CHD1L: variants seen among roughly 807,000 people sequenced by gnomAD.
CHD1L encodes chromodomain helicase DNA binding protein 1 like.
A neutral mutation model predicts 115.9 loss-of-function variants in CHD1L; 118 were observed. The observed-to-expected ratio is 1.02, with a 90% CI of 0.88 to 1.19. The LOEUF is 1.19. Among genes scored for constraint, CHD1L ranks in the 50% most tolerant of loss-of-function variants. CHD1L has a pLI of 0.00. For synonymous variants in CHD1L, 411 were observed against 387.1 expected, an observed-to-expected ratio of 1.06 and a Z score of -0.72; for missense variants, 1,179 against 1,065.3, an observed-to-expected ratio of 1.11 and a Z score of -1.49.
chr1:147,253,780 G>A (rs1379026270), intron 2 of CHD1L, among the ~76,000 whole-genome samples: 1 of 152,258 alleles, frequency 6.6e-6, no homozygotes, highest in Non-Finnish European at 1.5e-5. Flanking sequence ...TTACAGGCGT[G>A]AGCCACTGCA....
chr1:147,179,125 A>C, the CHD1L span: 13 of 1,614,124 alleles, frequency 8.1e-6, no homozygotes, highest in Middle Eastern at 1.6e-4. Context: ...GAAGTTTGTC[A>C]TGCAGGAGGA....
rs143730345 is a variant in CHD1L, at chr1:147,290,738, C to T, written c.2321-744C>T. 4.1e-3 allele frequency among the ~76,000 whole-genome samples: 626 copies of T among 152,240 alleles called. 4 individuals carry two copies. The highest frequency in any genetic ancestry group is 0.014 in the African/African-American group (599 of 41,536). Reference sequence around the variant, plus strand: ...GCGTGATCATAGCTCACCACAGCCTCGAACTCCTTTGCTCAAGAGATCCTC... The same window carrying T: ...GCGTGATCATAGCTCACCACAGCCTTGAACTCCTTTGCTCAAGAGATCCTC... On this transcript the variant is annotated intron_variant, in intron 19 of 22. Coordinates refer to ENST00000369258, the MANE Select transcript of CHD1L (RefSeq NM_004284.6).
the CHD1L span, among the ~76,000 whole-genome samples, chr1:147,192,606 G>A: frequency 6.6e-6 from 1 of 151,872 alleles, no homozygotes; most frequent in African/African-American, 2.4e-5. Context: ...CAAAGGGAAT[G>A]CTTCCAGTTT....
the CHD1L span, chr1:147,214,747 ACTCT>A: frequency 2.6e-5 from 4 of 151,724 alleles, no homozygotes; most frequent in East Asian, 1.9e-4. Flanking sequence ...TCCCCATGTA[ACTCT>A]CTATTTTTAT....
chr1:147,287,639 C>T lies in CHD1L; in HGVS notation c.2226C>T (p.Asp742=), dbSNP rs1683724480. The change falls in exon 19 of 23, where the codon GAC becomes GAT. Residue 742 remains aspartate, a synonymous_variant. Coordinates refer to ENST00000369258, the MANE Select transcript of CHD1L (RefSeq NM_004284.6). ...EDALIVHCVD[D]SGHWGRGGLF... ...ATTTTCTCTTTCTTCAAACAGATGA[C>T]TCTGGCCACTGGGGCAGAGGTGGTT... is the stretch of plus-strand genomic sequence containing the variant. 6.2e-7 allele frequency: 1 copy of T among 1,613,288 alleles called. No individual in the cohort carries two copies. The highest frequency in any genetic ancestry group is 1.7e-5 in the Admixed American group (1 of 59,964).
chr1:147,266,589 C>T (rs1447088794), intron 8 of CHD1L, among the ~76,000 whole-genome samples: 2 of 152,212 alleles, frequency 1.3e-5, no homozygotes, highest in Admixed American at 6.5e-5. Context: ...ACGCCGTCAG[C>T]GTTAGTAGCC....
chr1:147,276,026 A>T, intron 13 of CHD1L, 78 bp from the exon 14 acceptor site: 1 of 1,402,256 alleles, frequency 7.1e-7, no homozygotes, highest in Non-Finnish European at 9.9e-7. Flanking sequence ...GTTTGCTTTT[A>T]GATGTATTTA....
the CHD1L span, chr1:147,208,977 C>G: frequency 6.2e-7 from 1 of 1,613,912 alleles, no homozygotes; most frequent in Non-Finnish European, 8.5e-7. Flanking sequence ...GAGAAGAGAA[C>G]AACACATCAG....
intron 9 of CHD1L, among the ~76,000 whole-genome samples, 161 bp downstream of exon 9, chr1:147,267,679 T>A (rs1007378759): frequency 5.9e-5 from 9 of 152,246 alleles, no homozygotes; most frequent in Non-Finnish European, 8.8e-5. Context: ...TGTTCAGATA[T>A]CTTCAGTTGT....
chr1:147,231,883 T>C, the CHD1L span, among the ~76,000 whole-genome samples: 2 of 152,172 alleles, frequency 1.3e-5, no homozygotes, highest in African/African-American at 4.8e-5. Context: ...GCTTCCCGGG[T>C]GAGGCGATGC....
At chr1:147,272,138 TTAAGA>T (rs1559816102) in intron 11 of CHD1L, 28 bp from the exon 12 acceptor site, 5 of 1,571,246 alleles carry the variant, frequency 3.2e-6, no homozygotes, top group Non-Finnish European at 3.5e-6. Context: ...TTGAAAAGGG[TTAAGA>T]TTTCTGTTTT....
At chr1:147,295,219 G>A (rs1349732925) in intron 22 of CHD1L, among the ~76,000 whole-genome samples, 3 of 152,148 alleles carry the variant, frequency 2.0e-5, no homozygotes, top group African/African-American at 7.2e-5. Flanking sequence ...GCTTTTATGT[G>A]CTTGCACAAT....
chr1:147,179,162 A>C, the CHD1L span: 1 of 1,614,060 alleles, frequency 6.2e-7, no homozygotes, highest in South Asian at 1.1e-5. Flanking sequence ...AATGCTCTGG[A>C]GAGGTTCCTG....
At chr1:147,277,740 A>T (rs1679082150) in intron 14 of CHD1L, among the ~76,000 whole-genome samples, 1 of 152,210 alleles carries the variant, frequency 6.6e-6, no homozygotes, top group Admixed American at 6.5e-5. Context: ...TACGCTGTAG[A>T]TACCCTTAAA....
the CHD1L span, among the ~76,000 whole-genome samples, chr1:147,194,322 ATT>A: frequency 1.8e-4 from 27 of 152,150 alleles, no homozygotes; most frequent in East Asian, 4.1e-3. Flanking sequence ...AGAGACTAGG[ATT>A]GCAACCCCTG....
the CHD1L span, chr1:147,208,902 CT>C: frequency 1.9e-6 from 3 of 1,613,990 alleles, no homozygotes; most frequent in African/African-American, 1.3e-5. Flanking sequence ...TTTGGTTTAT[CT>C]TTTTTTCCAA....
the CHD1L span, among the ~76,000 whole-genome samples, chr1:147,205,863 C>T: frequency 6.6e-6 from 1 of 152,096 alleles, no homozygotes; most frequent in Non-Finnish European, 1.5e-5. Context: ...TGGGCAAGGA[C>T]TTCATGTCTA....
chr1:147,245,417 C>G (rs942796152), intron 1 of CHD1L, among the ~76,000 whole-genome samples: 2 of 152,104 alleles, frequency 1.3e-5, no homozygotes, highest in Non-Finnish European at 2.9e-5. Context: ...CTGACAGTAC[C>G]GTGGCCTCCT....
At chr1:147,178,242 C>T in the CHD1L span, 3 of 1,613,656 alleles carry the variant, frequency 1.9e-6, no homozygotes, top group Non-Finnish European at 2.5e-6. Context: ...CCGACACGGG[C>T]TCTGCGGGCC....
Sources: gnomAD v4.1 joint callset for allele counts (sites outside exome capture counted in the v4.1 genomes callset) on GRCh38, gnomAD v4.1.1 for gene constraint, MANE v1.5 for transcripts, NCBI Gene and HGNC (gene_info 2026-07-23, HGNC 2026-07-21) for gene names.